The following NAF1 variants were observed in gnomAD, a reference collection of about 807,000 sequenced individuals.
NAF1 encodes the protein nuclear assembly factor 1 ribonucleoprotein, also known as H/ACA ribonucleoprotein complex non-core subunit NAF1.
In NAF1, 11 loss-of-function variants were observed where a neutral mutation model predicts 40.6. The observed-to-expected ratio is 0.27, with a 90% CI of 0.17 to 0.45. The LOEUF (loss-of-function observed/expected upper bound fraction) is 0.45. Ranked by LOEUF, NAF1 falls within the 20% of genes least tolerant of loss-of-function variation. The pLI, the probability that NAF1 is intolerant of heterozygous loss-of-function variation, is 1.00. For missense variants in NAF1, 607 were observed against 611.1 expected (o/e 0.99, Z 0.07); for synonymous variants, 260 against 228.5 (o/e 1.14, Z -1.24).
downstream of NAF1, among the ~76,000 whole-genome samples, chr4:163,106,690 A>C (rs1730054334): frequency 6.6e-6 from 1 of 152,214 alleles, no homozygotes; most frequent in South Asian, 2.1e-4. Context: ...ATTTTAATTA[A>C]TAAATAATTC....
intron 2 of NAF1, among the ~76,000 whole-genome samples, chr4:163,161,317 A>T (rs1247787305): frequency 6.6e-6 from 1 of 152,166 alleles, no homozygotes; most frequent in African/African-American, 2.4e-5. Context: ...TACTAAAAAT[A>T]AAAAAATTAG....
rs139920620 is a variant in NAF1 at position 163,133,253 on chromosome 4, A to G, written c.934T>C (p.Leu312=). 2 of 1,612,408 alleles carry G rather than the reference A, an allele frequency of 1.2e-6. No homozygotes were observed. Among genetic ancestry groups the G allele is most frequent in the African/African-American group, 1.3e-5 (1 of 74,920 alleles). The change falls in exon 7 of 8, where the codon TTA becomes CTA. Residue 312 remains leucine, a synonymous_variant. Transcript: ENST00000274054. The part of the protein sequence containing the change: ...KNDQEPPPEA[L]DFSDDEKEKE... ...TCTTTTTCATCATCACTAAAATCTA[A>G]GGCCTTGCAGAGAAAAGTATATAAT... is the stretch of plus-strand genomic sequence containing the variant.
In NAF1 at chr4:163,166,810, CTT is replaced by C. The variant is rs1732502841; in HGVS notation, c.-85_-84del. 9 of 1,532,026 alleles carry C rather than the reference CTT, an allele frequency of 5.9e-6. No individual in the cohort carries two copies. The allele number at this position is 1,532,026 out of a possible 1,614,324, so 94.9% of individuals were successfully genotyped here. ...GCTCTCTCCAGAAATAGAAAAACAACTTAGGCAACCGCAGCAACACTGCCTGG... is the reference window on the plus strand; with the variant it reads ...GCTCTCTCCAGAAATAGAAAAACAACAGGCAACCGCAGCAACACTGCCTGG... On this transcript the variant is annotated 5_prime_UTR_variant, in exon 1 of 8. Coordinates refer to ENST00000274054, the MANE Select transcript of NAF1 (RefSeq NM_138386.3).
intron 2 of NAF1, among the ~76,000 whole-genome samples, chr4:163,154,211 G>T (rs766865915): frequency 2.4e-4 from 36 of 152,272 alleles, no homozygotes; most frequent in Non-Finnish European, 3.8e-4. Flanking sequence ...TACCAATTCC[G>T]GACACACTAG....
chr4:163,143,429 G>A (rs1731338490), intron 4 of NAF1, among the ~76,000 whole-genome samples: 2 of 152,204 alleles, frequency 1.3e-5, no homozygotes, highest in African/African-American at 4.8e-5. Context: ...TGTGCACCAT[G>A]GCAAAAGTTT....
At chr4:163,110,765 AT>A (rs1010703163) in intron 2 of NAF1, among the ~76,000 whole-genome samples, 13 of 152,188 alleles carry the variant, frequency 8.5e-5, no homozygotes, top group African/African-American at 3.1e-4. Flanking sequence ...TCTACTATGG[AT>A]TTTTTTAACT....
downstream of NAF1, among the ~76,000 whole-genome samples, chr4:163,124,214 G>T (rs1400270420): frequency 6.6e-6 from 1 of 152,196 alleles, no homozygotes; most frequent in Non-Finnish European, 1.5e-5. Context: ...ACGCCTTACA[G>T]TTCTGGATGC....
chr4:163,114,920 T>G (rs1236934078), intron 2 of NAF1, among the ~76,000 whole-genome samples: 1 of 152,132 alleles, frequency 6.6e-6, no homozygotes, highest in Non-Finnish European at 1.5e-5. Flanking sequence ...TCTGATAATT[T>G]ATTCCTTTTT....
chr4:163,133,512 C>T (rs1277856000), intron 6 of NAF1: 1 of 348,470 alleles, frequency 2.9e-6, no homozygotes, highest in African/African-American at 2.1e-5. Context: ...CCAGTTTAGA[C>T]TTAAAATTCA....
chr4:163,138,142 A>G (rs1444635217), intron 5 of NAF1, among the ~76,000 whole-genome samples: 2 of 152,172 alleles, frequency 1.3e-5, no homozygotes, highest in East Asian at 3.8e-4. Flanking sequence ...TGAGATTCCC[A>G]GGAATTAAGG....
intron 4 of NAF1, among the ~76,000 whole-genome samples, chr4:163,143,593 T>G (rs1560794456): frequency 6.6e-6 from 1 of 152,142 alleles, no homozygotes; most frequent in Non-Finnish European, 1.5e-5. Flanking sequence ...TAACTCCCAG[T>G]TTTTCTATTA....
At chr4:163,117,784 T>C (rs568855738) in intron 2 of NAF1, among the ~76,000 whole-genome samples, 84 of 151,958 alleles carry the variant, frequency 5.5e-4, no homozygotes, top group Non-Finnish European at 8.5e-4. Flanking sequence ...TGTTTATGGA[T>C]AGAACAGCAT....
intron 2 of NAF1, among the ~76,000 whole-genome samples, chr4:163,114,677 T>G (rs1579116352): frequency 6.6e-6 from 1 of 152,168 alleles, no homozygotes. Context: ...CTGCTTGCAA[T>G]TTTTCTTCTT....
chr4:163,143,212 C>A (rs929804490), intron 4 of NAF1, among the ~76,000 whole-genome samples: 4 of 152,130 alleles, frequency 2.6e-5, no homozygotes, highest in Non-Finnish European at 2.9e-5. Flanking sequence ...ATAATACTCA[C>A]CATTTTTTAC....
rs1187984968 is a variant in NAF1 at position 163,141,961 on chromosome 4, T to C, written c.718-1578A>G. The C allele has an allele frequency of 4.1e-6, 4 of 973,528 alleles. No individual in the cohort carries two copies. The African/African-American group carries it at 7.0e-5, about 17-fold the overall frequency. 60.3% of individuals were successfully genotyped at this position (973,528 alleles called of 1,614,324 possible). A position where few individuals can be genotyped will look rare whatever the true frequency, so the allele number is the denominator to read the frequency against. On this transcript the variant is annotated intron_variant, in intron 4 of 7. Transcript: ENST00000274054. ...AGGGCACCACCATTCTGAAGATATG[T>C]GTACTCTAAAAAGAAGTAGTGACAT...
intron 7 of NAF1, among the ~76,000 whole-genome samples, chr4:163,131,228 G>T (rs540233623): frequency 6.6e-6 from 1 of 152,228 alleles, no homozygotes; most frequent in African/African-American, 2.4e-5. Context: ...CATGACCCAT[G>T]AAAGAAATAA....
At chr4:163,111,921 T>C (rs1411704436) in intron 2 of NAF1, among the ~76,000 whole-genome samples, 1 of 152,178 alleles carries the variant, frequency 6.6e-6, no homozygotes, top group Non-Finnish European at 1.5e-5. Flanking sequence ...TTAAGTATGA[T>C]GAAGACTGAG....
At chr4:163,120,690 C>T (rs925761982) in intron 2 of NAF1, among the ~76,000 whole-genome samples, 1 of 152,052 alleles carries the variant, frequency 6.6e-6, no homozygotes, top group Non-Finnish European at 1.5e-5. Flanking sequence ...CTATAGAATG[C>T]ACAGAAGAAA....
At chr4:163,124,814 T>A (rs959350504), downstream of NAF1, among the ~76,000 whole-genome samples, 7 of 152,228 alleles carry the variant, frequency 4.6e-5, no homozygotes, top group Middle Eastern at 6.3e-3. Context: ...ACTGTTTTAT[T>A]GTACTTCATT....
Sources: allele counts gnomAD v4.1 joint callset (sites outside exome capture counted in the v4.1 genomes callset), GRCh38; gene constraint gnomAD v4.1.1; transcripts MANE v1.5; gene names NCBI Gene and HGNC (gene_info 2026-07-23, HGNC 2026-07-21).